LTO1: variants seen among roughly 807,000 people sequenced by gnomAD.
LTO1 encodes LTO1 maturation factor of ABCE1.
In LTO1, 18 loss-of-function variants were observed where a neutral mutation model predicts 19.8. The observed-to-expected ratio is 0.91, with a 90% CI of 0.63 to 1.35. LTO1 has a LOEUF of 1.35. Among genes scored for constraint, LTO1 ranks in the 40% most tolerant of loss-of-function variants. The pLI, the probability that LTO1 is intolerant of heterozygous loss-of-function variation, is 0.00. For synonymous variants in LTO1, 59 were observed against 59.6 expected (o/e 0.99, Z 0.05); for missense variants, 175 against 167.9 (o/e 1.04, Z -0.23).
In LTO1 at chr11:69,666,628, G is replaced by A. The variant is rs75874396; in HGVS notation, c.*891C>T. The A allele has an allele frequency of 0.014, 2,177 of 152,390 alleles. 26 individuals carry two copies. The highest frequency in any genetic ancestry group is 0.078 in the Middle Eastern group (23 of 296). 9.4% of individuals were successfully genotyped at this position (152,390 alleles called of 1,614,324 possible). On this transcript the variant is annotated 3_prime_UTR_variant, in exon 5 of 5. Coordinates refer to ENST00000279147, the MANE Select transcript of LTO1 (RefSeq NM_153451.3). ...TCAAAGCTTCTGCAAATATAACGGC[G>A]GCCTAACATTTGGTCTTTGGTTCAA...
rs1271059981 is a variant in LTO1 at position 69,673,266 on chromosome 11, T to A, written c.106A>T (p.Met36Leu). 4.3e-6 allele frequency: 7 copies of A among 1,613,756 alleles called. No homozygotes were observed. Among genetic ancestry groups the A allele is most frequent in the Non-Finnish European group, 5.9e-6 (7 of 1,179,798 alleles). The change falls in exon 2 of 5, where the codon ATG becomes TTG. Residue 36 changes from methionine to leucine, a missense_variant. Transcript: ENST00000279147. ...AGCGTGCCATGCTGCCTTCCCTCCA[T>A]CACACCCAAACTACTGCCTTCTTCA... Reference protein sequence around the residue: ...GYEEGSSLGVMEGRQHGTLHG... With the variant: ...GYEEGSSLGVLEGRQHGTLHG...
At chr11:69,671,704 ACTC>A (rs1490319798) in intron 3 of LTO1, 42 bp downstream of exon 3, 4 of 1,074,558 alleles carry the variant, frequency 3.7e-6, no homozygotes, top group African/African-American at 3.1e-5. Context: ...TGGAACTAGA[ACTC>A]CTGGTTCCTA....
At chr11:69,669,430 A>G (rs1046326526) in intron 3 of LTO1, among the ~76,000 whole-genome samples, 1 of 152,248 alleles carries the variant, frequency 6.6e-6, no homozygotes, top group Non-Finnish European at 1.5e-5. Flanking sequence ...CCAGTTTACA[A>G]GAGCTAACCA....
At chr11:69,673,424 G>T in intron 1 of LTO1, 103 bp from the exon 2 acceptor site, 1 of 743,396 alleles carries the variant, frequency 1.3e-6, no homozygotes, top group Non-Finnish European at 2.3e-6. Context: ...AGACAAACCA[G>T]AGTAAAGGAG....
In LTO1 at chr11:69,666,217, G is replaced by C. The variant is rs1039687382; in HGVS notation, c.*1302C>G. 3 of 152,164 alleles carry C rather than the reference G, an allele frequency of 2.0e-5. No individual in the cohort carries two copies. Among genetic ancestry groups the C allele is most frequent in the Non-Finnish European group, 4.4e-5 (3 of 68,044 alleles). 9.4% of individuals were successfully genotyped at this position (152,164 alleles called of 1,614,324 possible). The stretch of plus-strand genomic sequence containing the variant: ...TGGAGATCCACCTGCCGCTGCTCCC[G>C]CGGGGGTCACTTCTCTGGCTCCTGC... On this transcript the variant is annotated 3_prime_UTR_variant, in exon 5 of 5. Transcript: ENST00000279147.
chr11:69,667,789 C>G, intron 4 of LTO1, 106 bp downstream of exon 4: 2 of 759,700 alleles, frequency 2.6e-6, no homozygotes, highest in Non-Finnish European at 4.7e-6. Flanking sequence ...TTCCGCGGCG[C>G]ACGCAGCCCC....
intron 3 of LTO1, chr11:69,668,484 C>T (rs917643006): frequency 6.4e-5 from 10 of 156,334 alleles, no homozygotes; most frequent in African/African-American, 2.4e-4. Context: ...AGTACTGTCC[C>T]CTCCCCAGGG....
intron 4 of LTO1, 100 bp from the exon 5 acceptor site, chr11:69,667,687 GC>G: frequency 1.1e-6 from 1 of 893,434 alleles, no homozygotes; most frequent in Non-Finnish European, 1.8e-6. Flanking sequence ...TGTCTATGTG[GC>G]CAGCCCATAA....
At chr11:69,667,651 ACTCTAT>A (rs1211484009) in intron 4 of LTO1, 64 bp from the exon 5 acceptor site, 25 of 1,158,086 alleles carry the variant, frequency 2.2e-5, no homozygotes, top group Non-Finnish European at 3.1e-5. Context: ...TGAGAAGATA[ACTCTAT>A]CTCTAGCTAT....
At position 69,667,497 on chromosome 11, in the gene LTO1, G is replaced by C. The variant is rs766976334; in HGVS notation, c.*22C>G. 8 of 1,517,812 alleles carry C rather than the reference G, an allele frequency of 5.3e-6. No individual in the cohort carries two copies. The African/African-American group carries it at 9.6e-5, about 18-fold the overall frequency. 94.0% of individuals were successfully genotyped at this position (1,517,812 alleles called of 1,614,324 possible). On this transcript the variant is annotated 3_prime_UTR_variant, in exon 5 of 5. Coordinates refer to ENST00000279147, the MANE Select transcript of LTO1 (RefSeq NM_153451.3). ...CACACACATCTGTTCCTCGACGTTC[G>C]GTCTCTGTTCATCCATCCTCCTCAA...
Position 69,675,181 on chromosome 11 carries a change from A to G in LTO1, c.50+9T>C, listed in dbSNP as rs1856172748. 5.1e-6 allele frequency: 8 copies of G among 1,578,586 alleles called. No individual in the cohort carries two copies. The highest frequency in any genetic ancestry group is 6.9e-6 in the Non-Finnish European group (8 of 1,166,754). ...CAGGGCGGGGTGCGGGCCCGGCCTC[A>G]CCACCCACCTCTCATCCGCCATCAC... is the stretch of plus-strand genomic sequence containing the variant. On this transcript the variant is annotated intron_variant, in intron 1 of 4. Transcript: ENST00000279147.
intron 3 of LTO1, chr11:69,668,481 T>G: frequency 1.3e-5 from 2 of 155,862 alleles, no homozygotes; most frequent in Non-Finnish European, 2.8e-5. Context: ...ATCAGTACTG[T>G]CCCCTCCCCA....
At position 69,673,038 on chromosome 11, in the gene LTO1, G is replaced by A. The variant is rs1244282834; in HGVS notation, c.156+178C>T. On this transcript the variant is annotated intron_variant, in intron 2 of 4. Coordinates refer to ENST00000279147, the MANE Select transcript of LTO1 (RefSeq NM_153451.3). ...GCTGGTCTCCAACTCCTGACCTCAA[G>A]GCGATCCACCCACCTCAGACTCCCA... The A allele has an allele frequency of 6.0e-6, 4 of 664,048 alleles. No homozygotes were observed. In the East Asian group the frequency reaches 8.7e-5, roughly 14 times the overall value. 41.1% of individuals were successfully genotyped at this position (664,048 alleles called of 1,614,324 possible). A position where few individuals can be genotyped will look rare whatever the true frequency, so the allele number is the denominator to read the frequency against.
chr11:69,669,684 G>A (rs1354564332), intron 3 of LTO1, among the ~76,000 whole-genome samples: 2 of 152,230 alleles, frequency 1.3e-5, no homozygotes, highest in Non-Finnish European at 2.9e-5. Flanking sequence ...TCAGGCAGGT[G>A]TGAGCAGCTC....
chr11:69,673,147 C>T (rs1385579056), intron 2 of LTO1, 69 bp downstream of exon 2: 2 of 933,130 alleles, frequency 2.1e-6, no homozygotes, highest in South Asian at 1.3e-5. Context: ...CTCCATCACA[C>T]TGAATATCGA....
rs750875397 is a variant in LTO1 at position 69,673,282 on chromosome 11, G to A, written c.90C>T (p.Gly30=). The stretch of plus-strand genomic sequence containing the variant: ...TTCCCTCCATCACACCCAAACTACT[G>A]CCTTCTTCATAGCCTTCCCGATACC... ...GEGYREGYEE[G]SSLGVMEGRQ... is the part of the protein sequence containing the mutation. Residue 30 remains glycine (G), a synonymous_variant, in exon 2 of 5, where the codon GGC becomes GGT. Transcript: ENST00000279147. 1.2e-6 allele frequency: 2 copies of A among 1,613,388 alleles called. No individual in the cohort carries two copies. Among genetic ancestry groups the A allele is most frequent in the Non-Finnish European group, 8.5e-7 (1 of 1,179,360 alleles).
rs746952644 is a variant in LTO1 at position 69,673,333 on chromosome 11, A to C, written c.51-12T>G. On this transcript the variant is annotated splice_polypyrimidine_tract_variant and intron_variant, in intron 1 of 4. Coordinates refer to ENST00000279147, the MANE Select transcript of LTO1 (RefSeq NM_153451.3). ...CTTCCCCATGAAACCTGTGAAGAAG[A>C]AGCATGCTTCATCAAATCAACAGGA... The C allele has an allele frequency of 7.2e-6, 11 of 1,519,606 alleles. No individual in the cohort carries two copies. The highest frequency in any genetic ancestry group is 1.7e-5 in the Admixed American group (1 of 59,842). 94.1% of individuals were successfully genotyped at this position (1,519,606 alleles called of 1,614,324 possible). A position where few individuals can be genotyped will look rare whatever the true frequency, so the allele number is the denominator to read the frequency against.
At chr11:69,672,792 G>A in intron 2 of LTO1, 1 of 312,662 alleles carries the variant, frequency 3.2e-6, no homozygotes, top group South Asian at 2.9e-5. Context: ...CCATGCAAAG[G>A]CACTGTGATT....
intron 4 of LTO1, 76 bp from the exon 5 acceptor site, chr11:69,667,663 G>T: frequency 9.4e-7 from 1 of 1,065,180 alleles, no homozygotes; most frequent in Non-Finnish European, 1.5e-6. Flanking sequence ...TCTATCTCTA[G>T]CTATAGCTTT....
Sources: allele counts gnomAD v4.1 joint callset (sites outside exome capture counted in the v4.1 genomes callset), GRCh38; gene constraint gnomAD v4.1.1; transcripts MANE v1.5; gene names NCBI Gene and HGNC (gene_info 2026-07-23, HGNC 2026-07-21).